TSPEAR: variants seen among roughly 807,000 people sequenced by gnomAD.
TSPEAR encodes thrombospondin type laminin G domain and EAR repeats, also known as thrombospondin-type laminin G domain and EAR repeat-containing protein.
In TSPEAR, 69 loss-of-function variants were observed where a neutral mutation model predicts 71.6. That is an observed-to-expected ratio of 0.96 (90% CI 0.79 to 1.18). The LOEUF (loss-of-function observed/expected upper bound fraction) is 1.18. Ranked by LOEUF, TSPEAR falls within the 50% of genes most tolerant of loss-of-function variation. The probability of loss-of-function intolerance (pLI) is 0.00; values close to 1 mark genes in which losing one functional copy is unlikely to be tolerated. For missense variants in TSPEAR, 971 were observed against 894.9 expected, an observed-to-expected ratio of 1.09 and a Z score of -1.09; for synonymous variants, 402 against 387.2, an observed-to-expected ratio of 1.04 and a Z score of -0.45.
At chr21:44,501,031 CATTT>C (rs1307336879) in intron 11 of TSPEAR, among the ~76,000 whole-genome samples, 9 of 152,316 alleles carry the variant, frequency 5.9e-5, no homozygotes, top group African/African-American at 1.4e-4. Context: ...ATCCATATAA[CATTT>C]ATTTTTGTGT....
At chr21:44,543,223 G>A (rs2053250678) in intron 2 of TSPEAR, among the ~76,000 whole-genome samples, 1 of 152,128 alleles carries the variant, frequency 6.6e-6, no homozygotes, top group African/African-American at 2.4e-5. Context: ...AGAACACATG[G>A]GGAAAATCTA....
At chr21:44,501,051 G>T (rs1323325557) in intron 11 of TSPEAR, among the ~76,000 whole-genome samples, 1 of 152,178 alleles carries the variant, frequency 6.6e-6, no homozygotes, top group African/African-American at 2.4e-5. Context: ...TGTGTACAAT[G>T]TGAAGTGGGG....
At chr21:44,672,712 T>C (rs1601551755) in intron 1 of TSPEAR, among the ~76,000 whole-genome samples, 1 of 152,208 alleles carries the variant, frequency 6.6e-6, no homozygotes, top group South Asian at 2.1e-4. Flanking sequence ...AATCTCGTGT[T>C]GAATTGTTAT....
At chr21:44,522,521 A>G (rs782428533) in intron 8 of TSPEAR, among the ~76,000 whole-genome samples, 4 of 151,950 alleles carry the variant, frequency 2.6e-5, no homozygotes, top group Non-Finnish European at 5.9e-5. Flanking sequence ...GAGCTCCCCC[A>G]TTGGGTGGGT....
At chr21:44,545,987 A>G (rs1425915147) in intron 2 of TSPEAR, among the ~76,000 whole-genome samples, 1 of 152,250 alleles carries the variant, frequency 6.6e-6, no homozygotes, top group African/African-American at 2.4e-5. Context: ...GAAGAGCAAC[A>G]GATTTGACAA....
intron 1 of TSPEAR, among the ~76,000 whole-genome samples, chr21:44,694,217 T>C (rs574289560): frequency 6.6e-6 from 1 of 152,346 alleles, no homozygotes; most frequent in East Asian, 1.9e-4. Flanking sequence ...TATGAAGGAA[T>C]ATTATTTATC....
At chr21:44,586,944 G>C (rs1186199654) in intron 1 of TSPEAR, among the ~76,000 whole-genome samples, 1 of 152,154 alleles carries the variant, frequency 6.6e-6, no homozygotes, top group Non-Finnish European at 1.5e-5. Context: ...ACTGAATGGG[G>C]AGAAGTTGAA....
At chr21:44,681,162 T>C (rs538387019) in intron 1 of TSPEAR, among the ~76,000 whole-genome samples, 17 of 152,278 alleles carry the variant, frequency 1.1e-4, no homozygotes, top group African/African-American at 3.6e-4. Flanking sequence ...TGTAGATCAG[T>C]GATGGGAGTG....
At chr21:44,673,044 C>G (rs1323143396) in intron 1 of TSPEAR, among the ~76,000 whole-genome samples, 3 of 152,170 alleles carry the variant, frequency 2.0e-5, no homozygotes, top group Non-Finnish European at 4.4e-5. Context: ...CAAGAACGTA[C>G]TAATACAGAT....
At chr21:44,548,296 G>T (rs1216886711) in intron 2 of TSPEAR, among the ~76,000 whole-genome samples, 1 of 152,220 alleles carries the variant, frequency 6.6e-6, no homozygotes, top group Admixed American at 6.5e-5. Context: ...GCTGGGGAGT[G>T]GGGGATGGGG....
chr21:44,541,773 G>T (rs1485767047), intron 2 of TSPEAR, among the ~76,000 whole-genome samples: 1 of 152,212 alleles, frequency 6.6e-6, no homozygotes, highest in East Asian at 1.9e-4. Context: ...GGAAAAACCA[G>T]AAAGAATGAA....
chr21:44,579,058 G>A (rs412062), intron 1 of TSPEAR, among the ~76,000 whole-genome samples: 139,385 of 152,160 alleles, frequency 0.92, 64,258 homozygotes, highest in Non-Finnish European at 0.97. Context: ...TTGCTGCTAA[G>A]CGGGCAGAAC....
intron 1 of TSPEAR, chr21:44,600,476 G>A: frequency 1.1e-6 from 1 of 933,012 alleles, no homozygotes; most frequent in Non-Finnish European, 1.6e-6. Context: ...AACAAGGAAG[G>A]GGCAGGAGTT....
rs368094757 is a variant in TSPEAR at position 44,612,254 on chromosome 21, G to A, written c.83-44249C>T. The A allele has an allele frequency of 2.8e-5, 45 of 1,613,374 alleles. No homozygotes were observed. The highest frequency in any genetic ancestry group is 6.7e-5 in the African/African-American group (5 of 74,880). On this transcript the variant is annotated intron_variant, in intron 1 of 11. Coordinates refer to ENST00000323084, the MANE Select transcript of TSPEAR (RefSeq NM_144991.3). This position sits in a 1 kb window ranked among gnomAD's most constrained non-coding sequence, Gnocchi z 4.1. ...GGACAATTGCCAGGAAAGCTGCTGC[G>A]AGCCCCGCTCCTGTGCCTCCAGCTG...
At chr21:44,517,680 CAT>C (rs782678821) in intron 9 of TSPEAR, 116 of 447,216 alleles carry the variant, frequency 2.6e-4, no homozygotes, top group African/African-American at 3.8e-4. Flanking sequence ...AAGCCACTGA[CAT>C]GTGGGAGCCG....
intron 1 of TSPEAR, among the ~76,000 whole-genome samples, chr21:44,570,238 T>C (rs2053773359): frequency 6.6e-6 from 1 of 152,138 alleles, no homozygotes; most frequent in Non-Finnish European, 1.5e-5. Flanking sequence ...GGAAACAGAA[T>C]CCTGACCATC....
At position 44,681,544 on chromosome 21, in the gene TSPEAR, A is replaced by G. The variant is rs116271544; in HGVS notation, c.82+29889T>C. The G allele has an allele frequency of 4.8e-3, 2,052 of 429,202 alleles. 40 individuals are homozygous for G. The highest frequency in any genetic ancestry group is 0.033 in the African/African-American group (1,681 of 51,222). The allele number at this position is 429,202 out of a possible 1,614,324, so 26.6% of individuals were successfully genotyped here. A position where few individuals can be genotyped will look rare whatever the true frequency, so the allele number is the denominator to read the frequency against. ...CAGCAGAATAGATAGCGGGGAGTAT[A>G]GAAATAAAAAAGAGAGACAAGAAAC... On this transcript the variant is annotated intron_variant, in intron 1 of 11. Coordinates refer to ENST00000323084, the MANE Select transcript of TSPEAR (RefSeq NM_144991.3).
At chr21:44,701,330 G>A (rs2146329124) in intron 1 of TSPEAR, among the ~76,000 whole-genome samples, 1 of 152,286 alleles carries the variant, frequency 6.6e-6, no homozygotes, top group South Asian at 2.1e-4. Context: ...ATCCTACAGT[G>A]CTATCTAGAA....
intron 1 of TSPEAR, among the ~76,000 whole-genome samples, chr21:44,668,018 G>A (rs1309607936): frequency 1.3e-5 from 2 of 152,124 alleles, no homozygotes; most frequent in African/African-American, 4.8e-5. Flanking sequence ...AGCCAGCATA[G>A]TACTAGAAGT....
Sources: allele counts gnomAD v4.1 joint callset (sites outside exome capture counted in the v4.1 genomes callset), GRCh38; gene constraint gnomAD v4.1.1; non-coding constraint Gnocchi (gnomAD v3.1); transcripts MANE v1.5; gene names NCBI Gene and HGNC (gene_info 2026-07-23, HGNC 2026-07-21).